Variants in TMEM114 observed in about 807,000 individuals in gnomAD.
The protein encoded by TMEM114 is transmembrane protein 114.
A neutral mutation model predicts 6.2 loss-of-function variants in TMEM114; 6 were observed. That is an observed-to-expected ratio of 0.97 (90% CI 0.53 to 1.91). TMEM114 has a LOEUF of 1.91. Ranked by LOEUF, TMEM114 falls within the 40% of genes most tolerant of loss-of-function variation. The pLI is 0.01. For synonymous variants in TMEM114, 104 were observed against 73.0 expected (o/e 1.42, Z -2.16); for missense variants, 218 against 158.3 (o/e 1.38, Z -2.02).
chr16:8,562,245 T>A (rs1901260820), intron 2 of TMEM114, among the ~76,000 whole-genome samples: 1 of 149,918 alleles, frequency 6.7e-6, no homozygotes, highest in African/African-American at 2.5e-5. Context: ...AGTGAATGAG[T>A]GACTGAGTAA....
chr16:8,583,069 C>T (rs764282241), intron 2 of TMEM114, among the ~76,000 whole-genome samples: 1 of 152,150 alleles, frequency 6.6e-6, no homozygotes, highest in Non-Finnish European at 1.5e-5. Context: ...TCTCCATTGC[C>T]TCATCTGCAA....
intron 2 of TMEM114, among the ~76,000 whole-genome samples, chr16:8,554,452 G>C (rs888838505): frequency 6.6e-6 from 1 of 152,040 alleles, no homozygotes; most frequent in African/African-American, 2.4e-5. Context: ...ACCAGAGAGA[G>C]AGAATCTCCT....
chr16:8,560,760 A>G (rs185173611), intron 2 of TMEM114, among the ~76,000 whole-genome samples: 2 of 152,278 alleles, frequency 1.3e-5, no homozygotes, highest in African/African-American at 4.8e-5. Context: ...GGGATCCCCC[A>G]TCAGCCCCAA....
intron 2 of TMEM114, among the ~76,000 whole-genome samples, chr16:8,548,100 C>T (rs1171704081): frequency 2.0e-5 from 3 of 152,190 alleles, no homozygotes; most frequent in Non-Finnish European, 2.9e-5. Context: ...GCAAGACCCT[C>T]TGAAAAGCCT....
the TMEM114 span, among the ~76,000 whole-genome samples, chr16:8,529,635 T>C: frequency 6.6e-6 from 1 of 152,096 alleles, no homozygotes; most frequent in Admixed American, 6.6e-5. Context: ...ATTAGCTTCA[T>C]TGGTGTTTCT....
rs1445362527 is a variant in TMEM114, at chr16:8,589,206, G to A, written c.301+7C>T. 2.5e-6 allele frequency: 1 copy of A among 398,726 alleles called. No homozygotes were observed. The highest frequency in any genetic ancestry group is 4.4e-6 in the Non-Finnish European group (1 of 226,274). The allele number at this position is 398,726 out of a possible 1,614,324, so 24.7% of individuals were successfully genotyped here. ...GCTCCCTCCATCCTCACCCTCCCCG[G>A]ACTCACTGAGAAGTTGCCGGCTCGA... is the stretch of plus-strand genomic sequence containing the variant. On this transcript the variant is annotated splice_region_variant and intron_variant, in intron 2 of 3. Transcript: ENST00000620492.
At chr16:8,534,293 G>A (rs1328865917), downstream of TMEM114, among the ~76,000 whole-genome samples, 1 of 151,078 alleles carries the variant, frequency 6.6e-6, no homozygotes. Flanking sequence ...TCGCTTAAGC[G>A]CCAAAGACAA....
chr16:8,532,563 G>A, the TMEM114 span, among the ~76,000 whole-genome samples: 4 of 152,118 alleles, frequency 2.6e-5, no homozygotes, highest in Admixed American at 2.6e-4. Context: ...TAAAGAGAAC[G>A]ACGTGTCTCA....
At chr16:8,576,078 C>T (rs1356483510) in intron 2 of TMEM114, among the ~76,000 whole-genome samples, 1 of 152,166 alleles carries the variant, frequency 6.6e-6, no homozygotes, top group African/African-American at 2.4e-5. Flanking sequence ...TCTGAGACCA[C>T]AATACAATGA....
At chr16:8,543,622 C>T (rs1249339425) in intron 2 of TMEM114, among the ~76,000 whole-genome samples, 3 of 152,078 alleles carry the variant, frequency 2.0e-5, no homozygotes, top group African/African-American at 7.2e-5. Context: ...TCTCCAGAGC[C>T]TTCCTTTCTC....
intron 2 of TMEM114, among the ~76,000 whole-genome samples, chr16:8,580,852 G>A (rs1007381788): frequency 7.2e-5 from 11 of 152,010 alleles, no homozygotes; most frequent in Admixed American, 2.6e-4. Flanking sequence ...CACCACGTCC[G>A]GCTAATTTTT....
chr16:8,578,711 G>T (rs1178339231), intron 2 of TMEM114, among the ~76,000 whole-genome samples: 3 of 152,110 alleles, frequency 2.0e-5, no homozygotes, highest in Non-Finnish European at 4.4e-5. Flanking sequence ...GGGTGTGGTG[G>T]CCCACACCTG....
chr16:8,532,093 C>T, the TMEM114 span: 7 of 152,164 alleles, frequency 4.6e-5, no homozygotes, highest in African/African-American at 1.4e-4. Context: ...CCCCTAGTAA[C>T]GTCTTTTGTG....
At chr16:8,561,451 C>G (rs186795285) in intron 2 of TMEM114, among the ~76,000 whole-genome samples, 15 of 152,338 alleles carry the variant, frequency 9.8e-5, no homozygotes, top group African/African-American at 3.1e-4. Flanking sequence ...TACCCGTGCA[C>G]TCATACACAC....
chr16:8,560,427 G>C (rs1310528266), intron 2 of TMEM114, among the ~76,000 whole-genome samples: 1 of 152,092 alleles, frequency 6.6e-6, no homozygotes, highest in African/African-American at 2.4e-5. Flanking sequence ...ACTTGCCCTG[G>C]AATCTCTAAA....
rs201125199 is a variant in TMEM114 at position 8,562,192 on chromosome 16, G to A, written n.213-24366C>T. Reference sequence around the variant, plus strand: ...AATGAGTGAATGAGTCAGTGAGTGAGTGAATGAGTCAGTGAATGAGTGAGT... The same window carrying A: ...AATGAGTGAATGAGTCAGTGAGTGAATGAATGAGTCAGTGAATGAGTGAGT... On this transcript the variant is annotated intron_variant and non_coding_transcript_variant, in intron 2 of 2. Coordinates refer to the TMEM114 transcript ENST00000623677. Among the ~76,000 whole-genome samples, 29 of 151,328 alleles carry A rather than the reference G, an allele frequency of 1.9e-4. 1 individual carries two copies. Among genetic ancestry groups the A allele is most frequent in the Admixed American group, 5.3e-4 (8 of 15,210 alleles).
chr16:8,589,331 G>C (rs1025092429), intron 1 of TMEM114, 38 bp from the exon 2 acceptor site: 13 of 398,672 alleles, frequency 3.3e-5, no homozygotes, highest in African/African-American at 1.4e-4. Flanking sequence ...GCAGGACCCC[G>C]GAGTTCTGTG....
intron 2 of TMEM114, among the ~76,000 whole-genome samples, chr16:8,563,234 T>C (rs993277043): frequency 6.6e-6 from 1 of 151,056 alleles, no homozygotes; most frequent in African/African-American, 2.5e-5. Flanking sequence ...AGTGAATGAG[T>C]GAGTGAATGA....
chr16:8,574,580 T>G (rs1289819398), intron 2 of TMEM114, among the ~76,000 whole-genome samples: 1 of 134,864 alleles, frequency 7.4e-6, no homozygotes, highest in Non-Finnish European at 1.6e-5. Context: ...TTTCCTTCCT[T>G]CCTTCTTTCT....
Sources: gnomAD v4.1 joint callset for allele counts (sites outside exome capture counted in the v4.1 genomes callset) on GRCh38, gnomAD v4.1.1 for gene constraint, MANE v1.5 for transcripts, NCBI Gene and HGNC (gene_info 2026-07-23, HGNC 2026-07-21) for gene names.